CEP112: variants seen among roughly 807,000 people sequenced by gnomAD.
The protein encoded by CEP112 is centrosomal protein 112.
Under a neutral mutation model 153.0 loss-of-function variants are expected in CEP112, and 127 were observed. The observed-to-expected ratio is 0.83, with a 90% CI of 0.72 to 0.96. The LOEUF is 0.96. CEP112 is among the 40% of genes least tolerant of loss of function. The pLI is 0.00. For synonymous variants in CEP112, 358 were observed against 374.4 expected (o/e 0.96, Z 0.51); for missense variants, 1,089 against 1,101.2 (o/e 0.99, Z 0.16).
intron 2 of CEP112, 46 bp from the exon 3 acceptor site, chr17:66,177,066 GAAACATTC>G: frequency 2.0e-6 from 3 of 1,464,684 alleles, no homozygotes; most frequent in Non-Finnish European, 2.8e-6. Context: ...TTTATAAAAT[GAAACATTC>G]AATTACAAAG....
chr17:65,689,082 A>C (rs2047964005), intron 24 of CEP112, 47 bp downstream of exon 24: 1 of 1,370,578 alleles, frequency 7.3e-7, no homozygotes, highest in Non-Finnish European at 1.0e-6. Flanking sequence ...ACACTTCTTG[A>C]CCTAGAGAAA....
intron 19 of CEP112, among the ~76,000 whole-genome samples, chr17:65,906,382 G>A (rs1443247011): frequency 3.3e-5 from 5 of 151,882 alleles, no homozygotes; most frequent in Non-Finnish European, 7.4e-5. Flanking sequence ...CAAATCTGCA[G>A]GTTCTGCACA....
At chr17:65,995,147 T>A (rs1463401922) in intron 17 of CEP112, among the ~76,000 whole-genome samples, 1 of 125,472 alleles carries the variant, frequency 8.0e-6, no homozygotes, top group African/African-American at 3.0e-5. Flanking sequence ...ATGGAAAGGC[T>A]GAAGAGTTCT....
chr17:66,181,697 T>G (rs1308907277), intron 2 of CEP112, among the ~76,000 whole-genome samples: 1 of 152,206 alleles, frequency 6.6e-6, no homozygotes, highest in Non-Finnish European at 1.5e-5. Flanking sequence ...GGGGATGGTT[T>G]GATTTGAAAT....
chr17:65,936,099 G>C (rs983559089), intron 18 of CEP112, among the ~76,000 whole-genome samples: 1 of 152,124 alleles, frequency 6.6e-6, no homozygotes, highest in Non-Finnish European at 1.5e-5. Flanking sequence ...AAAAACAAGG[G>C]AGAATTACGA....
intron 21 of CEP112, chr17:65,826,137 C>A: frequency 6.2e-7 from 1 of 1,613,930 alleles, no homozygotes; most frequent in East Asian, 2.2e-5. Flanking sequence ...CTTGTTCTTA[C>A]CTTCTTCTCT....
In CEP112 at chr17:65,970,437, T is replaced by TGCATGTATATTACATGCATGCACA. The variant is rs1568314243; in HGVS notation, c.1737-8840_1737-8839insTGTGCATGCATGTAATATACATGC. Reference sequence around the variant, plus strand: ...CATGTATATTACATGCATGCACACATCATGCATGTATATTACATGCATGCA... The same window carrying TGCATGTATATTACATGCATGCACA: ...CATGTATATTACATGCATGCACACATGCATGTATATTACATGCATGCACACATGCATGTATATTACATGCATGCA... On this transcript the variant is annotated intron_variant, in intron 17 of 26. Transcript: ENST00000535342. Among the ~76,000 whole-genome samples, 124 of 44,782 alleles carry TGCATGTATATTACATGCATGCACA rather than the reference T, an allele frequency of 2.8e-3. 8 individuals are homozygous for TGCATGTATATTACATGCATGCACA. The highest frequency in any genetic ancestry group is 6.1e-3 in the African/African-American group (92 of 15,082). 29.4% of individuals were successfully genotyped at this position (44,782 alleles called of 152,430 possible). A position where few individuals can be genotyped will look rare whatever the true frequency, so the allele number is the denominator to read the frequency against.
At chr17:66,060,945 G>GAA (rs35507620) in intron 11 of CEP112, among the ~76,000 whole-genome samples, 52,202 of 146,660 alleles carry the variant, frequency 0.36, 10,222 homozygotes, top group Non-Finnish European at 0.45. Context: ...CTTCTGCATG[G>GAA]AAAAAAAAAT....
At chr17:66,158,246 G>T (rs541475191) in intron 4 of CEP112, among the ~76,000 whole-genome samples, 1 of 152,064 alleles carries the variant, frequency 6.6e-6, no homozygotes, top group South Asian at 2.1e-4. Context: ...ACTCAAAACC[G>T]CACAACTACA....
At chr17:66,106,475 T>C (rs571467825) in intron 6 of CEP112, among the ~76,000 whole-genome samples, 3 of 151,914 alleles carry the variant, frequency 2.0e-5, no homozygotes, top group Non-Finnish European at 4.4e-5. Flanking sequence ...ACAACTGATA[T>C]GGCAGAAATC....
At chr17:65,701,673 T>C (rs952168750) in intron 23 of CEP112, among the ~76,000 whole-genome samples, 5 of 152,156 alleles carry the variant, frequency 3.3e-5, no homozygotes, top group Non-Finnish European at 2.9e-5. Flanking sequence ...CTTATGTGTG[T>C]ATATGGTGGC....
intron 21 of CEP112, among the ~76,000 whole-genome samples, chr17:65,831,577 A>T (rs935360791): frequency 2.0e-5 from 3 of 151,948 alleles, no homozygotes; most frequent in Non-Finnish European, 4.4e-5. Context: ...AAAAAGAACA[A>T]ATTTCAGAAA....
intron 17 of CEP112, among the ~76,000 whole-genome samples, chr17:65,995,315 AAGG>A (rs1275454807): frequency 1.3e-5 from 2 of 152,136 alleles, no homozygotes; most frequent in African/African-American, 4.8e-5. Flanking sequence ...ATGTTGGACA[AAGG>A]AGAATGATAT....
At chr17:65,871,868 C>A (rs905545501) in intron 20 of CEP112, among the ~76,000 whole-genome samples, 1 of 152,168 alleles carries the variant, frequency 6.6e-6, no homozygotes, top group Non-Finnish European at 1.5e-5. Context: ...GTGGAGTTAC[C>A]TTGCTCTTAA....
At chr17:66,172,552 G>A (rs941563077) in intron 4 of CEP112, among the ~76,000 whole-genome samples, 1 of 152,124 alleles carries the variant, frequency 6.6e-6, no homozygotes, top group African/African-American at 2.4e-5. Flanking sequence ...TTTTACAATT[G>A]TGGGGATTTT....
intron 21 of CEP112, among the ~76,000 whole-genome samples, chr17:65,762,120 A>G (rs9904302): frequency 0.47 from 71,964 of 151,798 alleles, 17,948 homozygotes; most frequent in East Asian, 0.84. Context: ...TGTTAGGTAC[A>G]TATACACCTG....
At chr17:65,877,302 A>G (rs1382448567) in intron 20 of CEP112, among the ~76,000 whole-genome samples, 1 of 152,232 alleles carries the variant, frequency 6.6e-6, no homozygotes, top group East Asian at 1.9e-4. Context: ...TGGCCAGGAA[A>G]TGCAGGGGCA....
At chr17:66,060,145 G>T (rs989764793) in intron 11 of CEP112, among the ~76,000 whole-genome samples, 1 of 152,130 alleles carries the variant, frequency 6.6e-6, no homozygotes, top group Non-Finnish European at 1.5e-5. Context: ...CTAGAGGAAA[G>T]AGGGGGACAA....
At chr17:65,781,166 G>C (rs2053974548) in intron 21 of CEP112, among the ~76,000 whole-genome samples, 1 of 152,010 alleles carries the variant, frequency 6.6e-6, no homozygotes, top group African/African-American at 2.4e-5. Context: ...AAATGACCTA[G>C]ACTCAAGGAT....
Sources: gnomAD v4.1 joint callset for allele counts (sites outside exome capture counted in the v4.1 genomes callset) on GRCh38, gnomAD v4.1.1 for gene constraint, MANE v1.5 for transcripts, NCBI Gene and HGNC (gene_info 2026-07-23, HGNC 2026-07-21) for gene names.